The following MYO18B variants were observed in gnomAD, a reference collection of about 807,000 sequenced individuals.
MYO18B encodes the protein unconventional myosin-XVIIIb.
In MYO18B, 204 loss-of-function variants were observed where a neutral mutation model predicts 273.0. That is an observed-to-expected ratio of 0.75 (90% CI 0.67 to 0.84). The LOEUF (loss-of-function observed/expected upper bound fraction) is 0.84, where lower values mean the gene tolerates loss of function less well. Among genes scored for constraint, MYO18B ranks in the 40% least tolerant of loss-of-function variants. MYO18B has a pLI of 0.00. For synonymous variants in MYO18B, 1,330 were observed against 1,305.7 expected (o/e 1.02, Z -0.40); for missense variants, 3,212 against 3,287.6 (o/e 0.98, Z 0.56).
the MYO18B span, among the ~76,000 whole-genome samples, chr22:26,045,023 G>A: frequency 1.3e-5 from 2 of 152,080 alleles, no homozygotes; most frequent in African/African-American, 2.4e-5. Flanking sequence ...TATCATCAAG[G>A]CAGAGTATTT....
intron 39 of MYO18B, among the ~76,000 whole-genome samples, chr22:25,973,918 AATAC>A (rs1380345953): frequency 6.6e-6 from 1 of 152,178 alleles, no homozygotes; most frequent in Non-Finnish European, 1.5e-5. Context: ...AACAAATAGT[AATAC>A]ATACTCATCT....
intron 40 of MYO18B, among the ~76,000 whole-genome samples, chr22:25,997,094 G>A (rs1030309645): frequency 6.6e-6 from 1 of 151,858 alleles, no homozygotes; most frequent in Admixed American, 6.6e-5. Context: ...AGGCCAAGGC[G>A]GGTGGATCAC....
chr22:25,893,666 CTT>C (rs772434536), intron 27 of MYO18B, among the ~76,000 whole-genome samples: 1 of 152,130 alleles, frequency 6.6e-6, no homozygotes, highest in Non-Finnish European at 1.5e-5. Flanking sequence ...AGCTTTAACT[CTT>C]TATTATTATA....
intron 25 of MYO18B, among the ~76,000 whole-genome samples, chr22:25,879,352 A>G (rs2091279882): frequency 2.0e-5 from 3 of 152,230 alleles, no homozygotes; most frequent in African/African-American, 7.2e-5. Context: ...TGCAAACATA[A>G]TGCCAAAGGA....
chr22:25,769,127 A>G lies in MYO18B; in HGVS notation c.1211A>G (p.Asn404Ser), dbSNP rs2086621387. 2 of 1,613,658 alleles carry G rather than the reference A, an allele frequency of 1.2e-6. No individual in the cohort carries two copies. Among genetic ancestry groups the G allele is most frequent in the Non-Finnish European group, 1.7e-6 (2 of 1,179,768 alleles). The change falls in exon 4 of 44, where the codon AAC (asparagine) becomes AGC (serine). Residue 404 changes from asparagine to serine, a missense_variant. Coordinates refer to ENST00000335473, the MANE Select transcript of MYO18B (RefSeq NM_032608.7). ...GGGCAACCCCAGGGTAAGTCCGGGA[A>G]CGCAGGTGAAGCTCGGAGTCAGACA... ...KMGQPQGKSGNAGEARSQTEK... is the reference protein window; with the variant it reads ...KMGQPQGKSGSAGEARSQTEK...
chr22:25,952,414 G>A lies in MYO18B; in HGVS notation c.5961G>A (p.Lys1987=). ...CAGAGTTCCAGAAGGTGCAGATTAA[G>A]AGATTTGAGGTACGTAGTGATTCAT... ...NKTEFQKVQI[K]RFEVLVIRLR... The change falls in exon 38 of 44, where the codon AAG becomes AAA. Residue 1987 remains lysine (K), a synonymous_variant. Coordinates refer to ENST00000335473, the MANE Select transcript of MYO18B (RefSeq NM_032608.7). 6.2e-7 allele frequency: 1 copy of A among 1,613,142 alleles called. No individual in the cohort carries two copies. Among genetic ancestry groups the A allele is most frequent in the Non-Finnish European group, 8.5e-7 (1 of 1,179,690 alleles).
chr22:26,011,025 A>G (rs6004890), intron 42 of MYO18B, among the ~76,000 whole-genome samples: 8,202 of 151,128 alleles, frequency 0.054, 307 homozygotes, highest in African/African-American at 0.11. Context: ...CAACCTGGCC[A>G]GAGTAAGAAG....
chr22:25,899,924 T>G (rs981088097), intron 29 of MYO18B: 12 of 152,216 alleles, frequency 7.9e-5, no homozygotes, highest in African/African-American at 2.9e-4. Flanking sequence ...TTCCCCAAGT[T>G]TCTCCCAGCT....
At chr22:25,829,700 C>T (rs1351140797) in intron 15 of MYO18B, among the ~76,000 whole-genome samples, 1 of 151,880 alleles carries the variant, frequency 6.6e-6, no homozygotes, top group Non-Finnish European at 1.5e-5. Flanking sequence ...TAGCCAGACT[C>T]AGTGGCGCAC....
chr22:25,960,657 T>C (rs1228320841), intron 39 of MYO18B, among the ~76,000 whole-genome samples: 1 of 152,110 alleles, frequency 6.6e-6, no homozygotes, highest in Non-Finnish European at 1.5e-5. Context: ...ACCCGCTGAT[T>C]TTACCCTATT....
chr22:25,826,042 A>G (rs2089477154), intron 13 of MYO18B, among the ~76,000 whole-genome samples: 1 of 152,236 alleles, frequency 6.6e-6, no homozygotes, highest in Non-Finnish European at 1.5e-5. Flanking sequence ...TAATAAAATA[A>G]CTATACTAGA....
Position 25,990,714 on chromosome 22 carries a change from AAAAAAAGAAAAAG to A in MYO18B, c.6157-1642_6157-1630del, listed in dbSNP as rs1569270750. Among the ~76,000 whole-genome samples the A allele has an allele frequency of 4.4e-4, 21 of 47,344 alleles. 2 individuals carry two copies. Among genetic ancestry groups the A allele is most frequent in the African/African-American group, 2.5e-3 (18 of 7,130 alleles). 31.1% of individuals were successfully genotyped at this position (47,344 alleles called of 152,430 possible). The stretch of plus-strand genomic sequence containing the variant: ...AAAAAAAAAAAAAAAAAAAAAAAAA[AAAAAAAGAAAAAG>A]AAAAAAAAAAAGACTCCAGGCTAAG... On this transcript the variant is annotated intron_variant, in intron 39 of 43. Coordinates refer to ENST00000335473, the MANE Select transcript of MYO18B (RefSeq NM_032608.7).
chr22:26,008,438 G>A (rs1934614260), intron 42 of MYO18B, among the ~76,000 whole-genome samples: 2 of 152,178 alleles, frequency 1.3e-5, no homozygotes, highest in Admixed American at 6.6e-5. Context: ...GAGCCTCTTG[G>A]ATATATCCCA....
chr22:25,947,894 G>A, intron 36 of MYO18B, 66 bp downstream of exon 36: 2 of 1,217,712 alleles, frequency 1.6e-6, no homozygotes, highest in East Asian at 2.4e-5. Flanking sequence ...GGAATGTTGA[G>A]AAGGTGATGT....
chr22:25,885,618 C>A (rs866528458), intron 25 of MYO18B, among the ~76,000 whole-genome samples: 1 of 151,988 alleles, frequency 6.6e-6, no homozygotes, highest in Non-Finnish European at 1.5e-5. Flanking sequence ...GGCATGAAGC[C>A]GGACTGGATC....
intron 32 of MYO18B, 119 bp from the exon 33 acceptor site, chr22:25,910,827 C>T (rs1459596236): frequency 2.6e-6 from 2 of 758,120 alleles, no homozygotes; most frequent in Non-Finnish European, 2.2e-6. Flanking sequence ...ACTAGGGCAG[C>T]CTCATGGAAC....
chr22:25,878,336 G>A (rs549423205), intron 25 of MYO18B, among the ~76,000 whole-genome samples: 2 of 152,052 alleles, frequency 1.3e-5, no homozygotes, highest in South Asian at 2.1e-4. Context: ...AGTCACAAAA[G>A]CACAAATCAT....
At chr22:25,888,897 G>T (rs1325380590) in intron 25 of MYO18B, among the ~76,000 whole-genome samples, 2 of 152,136 alleles carry the variant, frequency 1.3e-5, no homozygotes, top group Non-Finnish European at 2.9e-5. Context: ...GAAACAGATG[G>T]GGAGCATGGA....
At chr22:25,958,820 C>G (rs777373465) in intron 39 of MYO18B, among the ~76,000 whole-genome samples, 1 of 152,212 alleles carries the variant, frequency 6.6e-6, no homozygotes, top group African/African-American at 2.4e-5. Context: ...AACTTGCCTT[C>G]CCTCATCCCA....
Sources: allele counts gnomAD v4.1 joint callset (sites outside exome capture counted in the v4.1 genomes callset), GRCh38; gene constraint gnomAD v4.1.1; transcripts MANE v1.5; gene names NCBI Gene and HGNC (gene_info 2026-07-23, HGNC 2026-07-21).